Variants in ARHGEF3 observed in about 807,000 individuals in gnomAD.
ARHGEF3 encodes 59.8 kDA protein.
Under a neutral mutation model 63.2 loss-of-function variants are expected in ARHGEF3, and 28 were observed. The observed-to-expected ratio is 0.44, with a 90% CI of 0.33 to 0.61. The LOEUF (loss-of-function observed/expected upper bound fraction) is 0.61, where lower values mean the gene tolerates loss of function less well. Among genes scored for constraint, ARHGEF3 ranks in the 20% least tolerant of loss-of-function variants. ARHGEF3 has a pLI of 0.03. For synonymous variants in ARHGEF3, 266 were observed against 254.2 expected (o/e 1.05, Z -0.44); for missense variants, 533 against 659.3 (o/e 0.81, Z 2.10).
At chr3:57,064,717 T>C (rs1293866768) in intron 1 of ARHGEF3, among the ~76,000 whole-genome samples, 1 of 152,218 alleles carries the variant, frequency 6.6e-6, no homozygotes, top group Non-Finnish European at 1.5e-5. Flanking sequence ...ATTCCACTTA[T>C]ATGAGGTATC....
At chr3:56,970,392 A>C (rs576956278) in intron 2 of ARHGEF3, among the ~76,000 whole-genome samples, 1 of 152,226 alleles carries the variant, frequency 6.6e-6, no homozygotes, top group Non-Finnish European at 1.5e-5. Flanking sequence ...AAATAAGCTG[A>C]GAAAGCAAGC....
At chr3:56,995,325 T>C (rs185458047) in intron 2 of ARHGEF3, among the ~76,000 whole-genome samples, 4 of 152,232 alleles carry the variant, frequency 2.6e-5, no homozygotes, top group Admixed American at 1.3e-4. Flanking sequence ...ACAACTGTCC[T>C]TTACCAAGCT....
intron 3 of ARHGEF3, among the ~76,000 whole-genome samples, chr3:56,890,423 A>G (rs955280558): frequency 3.9e-5 from 6 of 152,254 alleles, no homozygotes; most frequent in African/African-American, 1.4e-4. Context: ...ACATATGGCA[A>G]GAGATTTGAA....
intron 3 of ARHGEF3, among the ~76,000 whole-genome samples, chr3:56,931,739 C>A (rs1211487856): frequency 2.0e-5 from 3 of 152,084 alleles, no homozygotes; most frequent in African/African-American, 7.2e-5. Context: ...TTCCAAAGTA[C>A]TGTCCCAAGC....
upstream of ARHGEF3, among the ~76,000 whole-genome samples, chr3:56,806,642 G>A (rs1353225782): frequency 6.6e-6 from 1 of 152,166 alleles, no homozygotes; most frequent in African/African-American, 2.4e-5. Flanking sequence ...TTGGGCTGCT[G>A]GTGGAATGGT....
chr3:56,792,147 A>AGAAAAG (rs1478387234), intron 1 of ARHGEF3, among the ~76,000 whole-genome samples: 2 of 83,012 alleles, frequency 2.4e-5, no homozygotes, highest in African/African-American at 1.9e-4. Context: ...AGAAAAGAAA[A>AGAAAAG]TAACTGACTA....
chr3:56,964,013 T>C (rs1329731590), intron 2 of ARHGEF3, among the ~76,000 whole-genome samples: 1 of 152,198 alleles, frequency 6.6e-6, no homozygotes, highest in Admixed American at 6.6e-5. Context: ...ACTCATGCCA[T>C]GGCTGCAACT....
At chr3:56,761,830 T>C (rs984853778) in intron 2 of ARHGEF3, among the ~76,000 whole-genome samples, 1 of 152,172 alleles carries the variant, frequency 6.6e-6, no homozygotes, top group African/African-American at 2.4e-5. Context: ...CCAAGTCTGG[T>C]CTATTTCAGG....
At chr3:56,855,090 A>G (rs1228125737) in intron 4 of ARHGEF3, among the ~76,000 whole-genome samples, 1 of 151,986 alleles carries the variant, frequency 6.6e-6, no homozygotes, top group East Asian at 1.9e-4. Flanking sequence ...AATAGTATGG[A>G]GTACAATAAC....
chr3:57,046,731 C>T (rs1333131625), intron 1 of ARHGEF3, among the ~76,000 whole-genome samples: 1 of 152,140 alleles, frequency 6.6e-6, no homozygotes, highest in Non-Finnish European at 1.5e-5. Context: ...ACACCTCTAA[C>T]CCCCAGACTC....
chr3:56,820,107 G>A (rs2038423305), intron 4 of ARHGEF3, among the ~76,000 whole-genome samples: 1 of 152,168 alleles, frequency 6.6e-6, no homozygotes, highest in Non-Finnish European at 1.5e-5. Context: ...ACTGCACTCA[G>A]CCTAAGCTAA....
intron 2 of ARHGEF3, among the ~76,000 whole-genome samples, chr3:57,027,478 G>C (rs1302485321): frequency 6.6e-6 from 1 of 152,180 alleles, no homozygotes; most frequent in East Asian, 1.9e-4. Flanking sequence ...GCTCTGGTCT[G>C]CAGGGAGCAA....
At chr3:56,808,402 T>C (rs551969582) in intron 4 of ARHGEF3, among the ~76,000 whole-genome samples, 3 of 152,172 alleles carry the variant, frequency 2.0e-5, no homozygotes, top group Non-Finnish European at 4.4e-5. Context: ...AACAACATAA[T>C]GAGATCCCCA....
chr3:56,866,695 G>C lies in ARHGEF3; in HGVS notation c.192+15597C>G, dbSNP rs1260235436. Among the ~76,000 whole-genome samples, 3 of 152,294 alleles carry C rather than the reference G, an allele frequency of 2.0e-5. No individual in the cohort carries two copies. In the East Asian group the frequency reaches 5.8e-4, roughly 29 times the overall value. On this transcript the variant is annotated intron_variant, in intron 4 of 12. Coordinates refer to the ARHGEF3 transcript ENST00000338458. ...GAATATACTCCTTTCCACAAGTTTG[G>C]ATAAACAAGCAATGTATGTTGATTG...
At chr3:56,801,212 A>G (rs1484168401) in intron 1 of ARHGEF3, among the ~76,000 whole-genome samples, 2 of 152,260 alleles carry the variant, frequency 1.3e-5, no homozygotes, top group Admixed American at 1.3e-4. Context: ...TTTTGCTGCC[A>G]AAGGGCTGCA....
intron 4 of ARHGEF3, among the ~76,000 whole-genome samples, chr3:56,866,197 T>A (rs997615889): frequency 1.3e-5 from 2 of 152,106 alleles, no homozygotes; most frequent in African/African-American, 2.4e-5. Flanking sequence ...AAACCCCACC[T>A]TTCTTTATTA....
At chr3:56,890,036 T>C (rs1044491398) in intron 3 of ARHGEF3, among the ~76,000 whole-genome samples, 5 of 151,412 alleles carry the variant, frequency 3.3e-5, no homozygotes, top group African/African-American at 1.2e-4. Context: ...CACTCCAGCC[T>C]GGGTGACAGA....
At chr3:56,892,557 T>C (rs1188208089) in intron 3 of ARHGEF3, among the ~76,000 whole-genome samples, 1 of 152,122 alleles carries the variant, frequency 6.6e-6, no homozygotes, top group Admixed American at 6.6e-5. Flanking sequence ...ACTGATGCAA[T>C]GATTTGAAGC....
rs190637939 is a variant in ARHGEF3, at chr3:57,013,064, G to C, written c.62+22024C>G. Among the ~76,000 whole-genome samples the C allele has an allele frequency of 6.5e-3, 995 of 152,298 alleles. 6 individuals are homozygous for C. Among genetic ancestry groups the C allele is most frequent in the African/African-American group, 0.023 (942 of 41,556 alleles). On this transcript the variant is annotated intron_variant, in intron 2 of 12. Transcript: ENST00000338458. ...CAGCACTGCCGGCCGGCCTGCCTGC[G>C]CCACACTCGAATTCTCGCTGGGCCT...
Sources: gnomAD v4.1 joint callset for allele counts (sites outside exome capture counted in the v4.1 genomes callset) on GRCh38, gnomAD v4.1.1 for gene constraint, MANE v1.5 for transcripts, NCBI Gene and HGNC (gene_info 2026-07-23, HGNC 2026-07-21) for gene names.